Variants in TCTN2 observed in about 807,000 individuals in gnomAD.
TCTN2 encodes tectonic family member 2.
In TCTN2, 66 loss-of-function variants were observed where a neutral mutation model predicts 83.4. The observed-to-expected ratio is 0.79, with a 90% CI of 0.65 to 0.97. The LOEUF is 0.97. Ranked by LOEUF, TCTN2 falls within the 50% of genes least tolerant of loss-of-function variation. TCTN2 has a pLI of 0.00. For missense variants in TCTN2, 794 were observed against 858.1 expected (o/e 0.93, Z 0.93); for synonymous variants, 301 against 326.7 (o/e 0.92, Z 0.85).
Position 123,704,699 on chromosome 12 carries a change from A to G in TCTN2, c.1769+11A>G. ...CGGTGTAGAGACAAGGTATGATCAC[A>G]TCTTGGATCACCGTAGTTTAGAGAG... is the stretch of plus-strand genomic sequence containing the variant. On this transcript the variant is annotated intron_variant, in intron 15 of 17. Transcript: ENST00000303372. The G allele has an allele frequency of 2.5e-6, 4 of 1,613,534 alleles. No individual in the cohort carries two copies. Among genetic ancestry groups the G allele is most frequent in the East Asian group, 2.2e-5 (1 of 44,864 alleles).
At chr12:123,696,639 T>A in intron 12 of TCTN2, 144 bp downstream of exon 12, 1 of 759,702 alleles carries the variant, frequency 1.3e-6, no homozygotes, top group Non-Finnish European at 2.3e-6. Flanking sequence ...TGAATAACAG[T>A]GATGATGGTT....
intron 14 of TCTN2, among the ~76,000 whole-genome samples, chr12:123,702,210 A>G (rs916215781): frequency 6.6e-6 from 1 of 152,204 alleles, no homozygotes; most frequent in Non-Finnish European, 1.5e-5. Flanking sequence ...AAAGAGCCCA[A>G]TGAGTGTGCG....
intron 6 of TCTN2, among the ~76,000 whole-genome samples, chr12:123,687,824 G>A (rs555970024): frequency 1.3e-5 from 2 of 152,162 alleles, no homozygotes; most frequent in South Asian, 4.2e-4. Flanking sequence ...TTAGCCAGGT[G>A]TGGTGGTGGG....
At chr12:123,683,235 A>G (rs912851814) in intron 5 of TCTN2, among the ~76,000 whole-genome samples, 1 of 151,872 alleles carries the variant, frequency 6.6e-6, no homozygotes, top group Non-Finnish European at 1.5e-5. Flanking sequence ...AAAAATAATA[A>G]TAATAATTTT....
Position 123,683,467 on chromosome 12 carries a change from G to A in TCTN2, c.565-3369G>A, listed in dbSNP as rs1367341682. 2.0e-5 allele frequency among the ~76,000 whole-genome samples: 3 copies of A among 151,530 alleles called. No individual in the cohort carries two copies. In the South Asian group the frequency reaches 6.2e-4, roughly 32 times the overall value. ...GCTAATTTTTTGTGTCTTTAGTAGA[G>A]ATGGAGTTTTGCCGTGTTGGCCAGG... On this transcript the variant is annotated intron_variant, in intron 5 of 17. Transcript: ENST00000303372.
At chr12:123,697,747 G>T (rs1297170677) in intron 13 of TCTN2, among the ~76,000 whole-genome samples, 4 of 152,028 alleles carry the variant, frequency 2.6e-5, no homozygotes, top group Non-Finnish European at 5.9e-5. Flanking sequence ...GCCCACCTTG[G>T]CCTCCCAAAG....
rs1264334353 is a variant in TCTN2, at chr12:123,708,146, T to TG, written c.*434dup. ...CCTCTGGTGTAGCTGGGACCACAGA[T>TG]GCTCCACCATGCCTGGCTGTATTTT... is the stretch of plus-strand genomic sequence containing the variant. On this transcript the variant is annotated 3_prime_UTR_variant, in exon 18 of 18. Coordinates refer to ENST00000303372, the MANE Select transcript of TCTN2 (RefSeq NM_024809.5). The TG allele has an allele frequency of 5.0e-6, 1 of 199,204 alleles. No homozygotes were observed. The highest frequency in any genetic ancestry group is 1.0e-5 in the Non-Finnish European group (1 of 97,550). The allele number at this position is 199,204 out of a possible 1,614,324, so 12.3% of individuals were successfully genotyped here. A position where few individuals can be genotyped will look rare whatever the true frequency, so the allele number is the denominator to read the frequency against.
At chr12:123,678,415 A>G (rs1955851392) in intron 4 of TCTN2, among the ~76,000 whole-genome samples, 1 of 152,204 alleles carries the variant, frequency 6.6e-6, no homozygotes, top group African/African-American at 2.4e-5. Flanking sequence ...AAAATATATT[A>G]AGTTAATTTT....
At chr12:123,672,173 GC>G (rs747626880) in intron 3 of TCTN2, 41 bp downstream of exon 3, 4 of 1,548,126 alleles carry the variant, frequency 2.6e-6, no homozygotes, top group Non-Finnish European at 2.7e-6. Flanking sequence ...CTGTGAAGAG[GC>G]CCCCAGCTAG....
chr12:123,696,984 C>T, intron 12 of TCTN2, 103 bp from the exon 13 acceptor site: 2 of 966,058 alleles, frequency 2.1e-6, no homozygotes, highest in South Asian at 1.3e-5. Flanking sequence ...AAACTGGCAA[C>T]TTTATTTCTA....
At chr12:123,693,840 CAG>C (rs1431111679) in intron 9 of TCTN2, among the ~76,000 whole-genome samples, 1 of 139,636 alleles carries the variant, frequency 7.2e-6, no homozygotes, top group East Asian at 2.2e-4. Flanking sequence ...TAATTGGAGA[CAG>C]AGTCTTGCTC....
chr12:123,693,188 A>G (rs1247367017), intron 9 of TCTN2, among the ~76,000 whole-genome samples: 3 of 150,028 alleles, frequency 2.0e-5, no homozygotes, highest in African/African-American at 7.3e-5. Flanking sequence ...CACCACACCC[A>G]GCTAATTTTG....
At chr12:123,687,971 A>G in intron 6 of TCTN2, 80 bp from the exon 7 acceptor site, 1 of 1,580,140 alleles carries the variant, frequency 6.3e-7, no homozygotes. Context: ...CTCAGAAAAC[A>G]AGAGTAAAGA....
intron 15 of TCTN2, 113 bp downstream of exon 15, chr12:123,704,801 A>G (rs1956211524): frequency 3.4e-6 from 4 of 1,179,244 alleles, no homozygotes; most frequent in South Asian, 2.6e-5. Flanking sequence ...ACAACTTGCA[A>G]TTATTAGCAA....
intron 3 of TCTN2, 40 bp from the exon 4 acceptor site, chr12:123,673,575 T>C: frequency 6.3e-7 from 1 of 1,597,796 alleles, no homozygotes; most frequent in African/African-American, 1.3e-5. Flanking sequence ...TAGACCCTGT[T>C]TTGAGTCACT....
rs372424469 is a variant in TCTN2 at position 123,697,067 on chromosome 12, A to G, written c.1394-20A>G. ...TTGTTTAGCAAAAAGTAGCAAGAGG[A>G]TAATCTTTTTCTTTTATAGCTGGAA... On this transcript the variant is annotated intron_variant, in intron 12 of 17. Transcript: ENST00000303372. The G allele has an allele frequency of 2.4e-4, 379 of 1,580,022 alleles. 1 individual carries two copies. The highest frequency in any genetic ancestry group is 3.2e-4 in the Non-Finnish European group (362 of 1,149,108).
At chr12:123,683,677 T>C (rs545355704) in intron 5 of TCTN2, among the ~76,000 whole-genome samples, 1 of 151,606 alleles carries the variant, frequency 6.6e-6, no homozygotes, top group East Asian at 2.0e-4. Context: ...CTCGCTCTGT[T>C]GCCCAGGCTG....
rs928485728 is a variant in TCTN2, at chr12:123,673,607, C to T, written c.268-8C>T. The T allele has an allele frequency of 1.2e-6, 2 of 1,613,906 alleles. No individual in the cohort carries two copies. The highest frequency in any genetic ancestry group is 1.7e-6 in the Non-Finnish European group (2 of 1,179,946). ...CACTTTAAAAATACAGCAATGTTTTCCTTTCAGAAGGTGTTGGAAGTGACA... is the reference window on the plus strand; with the variant it reads ...CACTTTAAAAATACAGCAATGTTTTTCTTTCAGAAGGTGTTGGAAGTGACA... On this transcript the variant is annotated splice_region_variant and splice_polypyrimidine_tract_variant and intron_variant, in intron 3 of 17. Coordinates refer to ENST00000303372, the MANE Select transcript of TCTN2 (RefSeq NM_024809.5).
rs1055874067 is a variant in TCTN2 at position 123,696,186 on chromosome 12, T to A, written c.1313-229T>A. ...GTGATAACAATGTATTTTTTTTTTT[T>A]ACATAGTCTGTTGTACATAGTAACA... is the stretch of plus-strand genomic sequence containing the variant. On this transcript the variant is annotated intron_variant, in intron 11 of 17. Transcript: ENST00000303372. 7.8e-6 allele frequency: 4 copies of A among 513,618 alleles called. No homozygotes were observed. The Admixed American group carries it at 1.3e-4, about 17-fold the overall frequency. The allele number at this position is 513,618 out of a possible 1,614,324, so 31.8% of individuals were successfully genotyped here.
Sources: gnomAD v4.1 joint callset for allele counts (sites outside exome capture counted in the v4.1 genomes callset) on GRCh38, gnomAD v4.1.1 for gene constraint, MANE v1.5 for transcripts, NCBI Gene and HGNC (gene_info 2026-07-23, HGNC 2026-07-21) for gene names.